MTUS1: variants seen among roughly 807,000 people sequenced by gnomAD.
The protein encoded by MTUS1 is microtubule associated scaffold protein 1.
MTUS1 carries 109 observed loss-of-function variants against 120.8 expected under a neutral mutation model. The ratio of observed to expected loss-of-function variants is 0.90; its 90% CI spans 0.77 to 1.06. MTUS1 has a LOEUF of 1.06. Among genes scored for constraint, MTUS1 ranks in the 50% least tolerant of loss-of-function variants. The pLI, the probability that MTUS1 is intolerant of heterozygous loss-of-function variation, is 0.00. For synonymous variants in MTUS1, 737 were observed against 550.5 expected (o/e 1.34, Z -4.74); for missense variants, 2,210 against 1,486.3 (o/e 1.49, Z -8.01).
intron 8 of MTUS1, among the ~76,000 whole-genome samples, chr8:17,664,455 AC>A (rs1810450661): frequency 9.0e-6 from 1 of 110,802 alleles, no homozygotes; most frequent in African/African-American, 3.5e-5. Flanking sequence ...ACTCTCCCCC[AC>A]CCCACCCCGA....
At chr8:17,723,365 T>A in intron 4 of MTUS1, 1 of 385,366 alleles carries the variant, frequency 2.6e-6, no homozygotes, top group South Asian at 2.6e-5. Context: ...TGAAATAATC[T>A]TTTTTTCTGA....
At chr8:17,720,850 G>A (rs1483898305) in intron 4 of MTUS1, among the ~76,000 whole-genome samples, 1 of 152,124 alleles carries the variant, frequency 6.6e-6, no homozygotes, top group East Asian at 1.9e-4. Context: ...ATTGTGAAAT[G>A]TTTTACACTA....
At chr8:17,718,868 T>C (rs1460033531) in intron 4 of MTUS1, among the ~76,000 whole-genome samples, 1 of 151,776 alleles carries the variant, frequency 6.6e-6, no homozygotes, top group African/African-American at 2.4e-5. Context: ...ATGATTTTCC[T>C]ATTAGAAAAG....
intron 1 of MTUS1, among the ~76,000 whole-genome samples, chr8:17,774,257 C>T (rs2050235744): frequency 6.6e-6 from 1 of 152,196 alleles, no homozygotes; most frequent in Non-Finnish European, 1.5e-5. Flanking sequence ...TTTGGGAAAA[C>T]ACTAGCCCTT....
chr8:17,645,570 A>G lies in MTUS1; in HGVS notation c.*356T>C, dbSNP rs74656308. 1,477 of 178,862 alleles carry G rather than the reference A, an allele frequency of 8.3e-3. 27 individuals are homozygous for G. The highest frequency in any genetic ancestry group is 0.034 in the African/African-American group (1,404 of 40,828). 11.1% of individuals were successfully genotyped at this position (178,862 alleles called of 1,614,324 possible). A position where few individuals can be genotyped will look rare whatever the true frequency, so the allele number is the denominator to read the frequency against. On this transcript the variant is annotated 3_prime_UTR_variant, in exon 15 of 15. Coordinates refer to ENST00000693296, the MANE Select transcript of MTUS1 (RefSeq NM_001363059.2). ...CAAGAAGGTGTCTGTGGTGAAGAAC[A>G]TTACAAAGGTTATAAATCTTAATAG...
At chr8:17,760,380 G>A (rs368531) in intron 1 of MTUS1, among the ~76,000 whole-genome samples, 57,149 of 151,822 alleles carry the variant, frequency 0.38, 11,648 homozygotes, top group East Asian at 0.79. Flanking sequence ...AGTGGTACAG[G>A]GATTTGGATA....
chr8:17,774,712 A>C (rs1016644799), intron 1 of MTUS1, among the ~76,000 whole-genome samples: 2 of 152,180 alleles, frequency 1.3e-5, no homozygotes, highest in Non-Finnish European at 2.9e-5. Flanking sequence ...TAGAATTGCC[A>C]TATGATCAAG....
At chr8:17,662,861 A>G (rs1320818804) in intron 8 of MTUS1, among the ~76,000 whole-genome samples, 1 of 151,912 alleles carries the variant, frequency 6.6e-6, no homozygotes, top group Non-Finnish European at 1.5e-5. Context: ...AAAAAAAGAA[A>G]AAGGAAGAAA....
chr8:17,690,955 T>C (rs553510464), intron 6 of MTUS1, among the ~76,000 whole-genome samples: 1 of 150,744 alleles, frequency 6.6e-6, no homozygotes, highest in Non-Finnish European at 1.5e-5. Flanking sequence ...AAAATATTAT[T>C]CTTAGCTCTG....
chr8:17,755,685 G>C lies in MTUS1; in HGVS notation c.123C>G (p.Ala41=). The change falls in exon 2 of 15, where the codon GCC becomes GCG. Residue 41 remains alanine (A), a synonymous_variant. Coordinates refer to ENST00000693296, the MANE Select transcript of MTUS1 (RefSeq NM_001363059.2). ...PKSPPTQNSS[A]SSVNWNSANP... The stretch of plus-strand genomic sequence containing the variant: ...TGGCAGAATTCCAGTTCACACTGCT[G>C]GCTGAAGAGTTTTGTGTAGGTGGTG... The C allele has an allele frequency of 6.2e-7, 1 of 1,614,190 alleles. No individual in the cohort carries two copies. Among genetic ancestry groups the C allele is most frequent in the Middle Eastern group, 1.6e-4 (1 of 6,062 alleles).
At chr8:17,679,785 G>C (rs994535851) in intron 7 of MTUS1, among the ~76,000 whole-genome samples, 1 of 152,070 alleles carries the variant, frequency 6.6e-6, no homozygotes, top group East Asian at 1.9e-4. Flanking sequence ...TTACAGGTGT[G>C]AGCCACCATG....
chr8:17,678,838 C>T (rs7462063), intron 7 of MTUS1, among the ~76,000 whole-genome samples: 87,001 of 151,770 alleles, frequency 0.57, 25,729 homozygotes, highest in Middle Eastern at 0.7. Context: ...ACCTAGAAAG[C>T]CACCCAATAG....
intron 1 of MTUS1, among the ~76,000 whole-genome samples, chr8:17,770,956 A>C (rs941695048): frequency 6.6e-6 from 1 of 152,238 alleles, no homozygotes; most frequent in Non-Finnish European, 1.5e-5. Context: ...GATTAAAGAA[A>C]CTGGAATATT....
intron 6 of MTUS1, among the ~76,000 whole-genome samples, chr8:17,703,545 C>T (rs991086524): frequency 2.7e-5 from 4 of 149,834 alleles, no homozygotes; most frequent in Non-Finnish European, 5.9e-5. Context: ...AGGAGAATGG[C>T]GTGAACCTGG....
At chr8:17,665,669 C>A (rs1200043432) in intron 8 of MTUS1, among the ~76,000 whole-genome samples, 3 of 152,190 alleles carry the variant, frequency 2.0e-5, no homozygotes, top group Non-Finnish European at 2.9e-5. Context: ...CCCTAGAACT[C>A]CAGCCTCTTT....
At chr8:17,749,918 T>C (rs568140258) in intron 2 of MTUS1, among the ~76,000 whole-genome samples, 1 of 152,076 alleles carries the variant, frequency 6.6e-6, no homozygotes, top group East Asian at 1.9e-4. Flanking sequence ...TCAGAATAAA[T>C]CTCTTCAAAT....
intron 6 of MTUS1, among the ~76,000 whole-genome samples, chr8:17,709,633 G>T (rs945744876): frequency 6.6e-6 from 1 of 152,014 alleles, no homozygotes; most frequent in African/African-American, 2.4e-5. Flanking sequence ...CACAAAAATT[G>T]TCTGGTTTCT....
intron 6 of MTUS1, among the ~76,000 whole-genome samples, chr8:17,706,413 C>T (rs957258382): frequency 4.6e-5 from 7 of 152,210 alleles, no homozygotes; most frequent in African/African-American, 1.7e-4. Context: ...AGTTCGTTCT[C>T]CTCCTGCTTT....
chr8:17,744,637 ATT>A (rs1204588865), intron 2 of MTUS1, among the ~76,000 whole-genome samples: 1 of 80,784 alleles, frequency 1.2e-5, no homozygotes, highest in South Asian at 3.6e-4. Context: ...TAAGTTTTGT[ATT>A]TTTTTTTTGG....
Sources: gnomAD v4.1 joint callset for allele counts (sites outside exome capture counted in the v4.1 genomes callset) on GRCh38, gnomAD v4.1.1 for gene constraint, MANE v1.5 for transcripts, NCBI Gene and HGNC (gene_info 2026-07-23, HGNC 2026-07-21) for gene names.